Variants in DNAJC3 observed in about 807,000 individuals in gnomAD.
DNAJC3 encodes the protein dnaJ homolog subfamily C member 3.
In DNAJC3, 38 loss-of-function variants were observed where a neutral mutation model predicts 68.6. The observed-to-expected ratio is 0.55, with a 90% CI of 0.43 to 0.73. The LOEUF is 0.73. DNAJC3 is among the 30% of genes least tolerant of loss of function. The pLI is 0.00. For missense variants in DNAJC3, 526 were observed against 591.9 expected (o/e 0.89, Z 1.16); for synonymous variants, 203 against 204.0 (o/e 1.00, Z 0.04).
At chr13:95,779,353 T>C (rs926970669) in intron 9 of DNAJC3, among the ~76,000 whole-genome samples, 2 of 152,122 alleles carry the variant, frequency 1.3e-5, no homozygotes, top group Non-Finnish European at 2.9e-5. Context: ...CTCGATCTCC[T>C]GACCTCGTGA....
chr13:95,687,427 G>A (rs890491353), intron 1 of DNAJC3, among the ~76,000 whole-genome samples: 37 of 152,110 alleles, frequency 2.4e-4, no homozygotes, highest in African/African-American at 8.5e-4. Flanking sequence ...AATAGTAAGA[G>A]TGAACATCAT....
At chr13:95,781,962 AC>A (rs1883468701) in intron 9 of DNAJC3, among the ~76,000 whole-genome samples, 1 of 151,192 alleles carries the variant, frequency 6.6e-6, no homozygotes, top group South Asian at 2.1e-4. Context: ...CCAGCCCCCT[AC>A]CTCCCCACGG....
rs1173216029 is a variant in DNAJC3 at position 95,760,720 on chromosome 13, G to T, written c.770G>T (p.Arg257Met). 1 of 1,611,688 alleles carries T rather than the reference G, an allele frequency of 6.2e-7. No homozygotes were observed. The highest frequency in any genetic ancestry group is 2.2e-5 in the East Asian group (1 of 44,698). The change falls in exon 7 of 12, where the codon AGG becomes ATG. Residue 257 changes from arginine to methionine, a missense_variant. Physicochemically the swap from Arg to Met is moderately conservative, Grantham distance 91 (BLOSUM62 -1). Coordinates refer to ENST00000602402, the MANE Select transcript of DNAJC3 (RefSeq NM_006260.5). ...ECLKLDQDHK[R>M]CFAHYKQVKK... ...CTTAAACTTGACCAGGATCATAAAA[G>T]GTGTTTTGCACACTATAAACAAGTA...
At chr13:95,725,608 T>A (rs181216848) in intron 4 of DNAJC3, among the ~76,000 whole-genome samples, 5 of 152,242 alleles carry the variant, frequency 3.3e-5, no homozygotes, top group African/African-American at 1.2e-4. Context: ...TTTGGATCTG[T>A]CCTTTTGGAG....
intron 1 of DNAJC3, among the ~76,000 whole-genome samples, chr13:95,681,910 A>G (rs552939893): frequency 6.6e-5 from 10 of 152,294 alleles, no homozygotes; most frequent in Admixed American, 4.6e-4. Flanking sequence ...TAGCTTATCT[A>G]CATTTGTACC....
intron 9 of DNAJC3, among the ~76,000 whole-genome samples, chr13:95,784,840 G>A (rs1306343070): frequency 6.6e-6 from 1 of 152,070 alleles, no homozygotes; most frequent in East Asian, 1.9e-4. Flanking sequence ...TGGGCGTGGT[G>A]GTGCGTGCCT....
chr13:95,750,953 A>G (rs1180988769), intron 4 of DNAJC3, among the ~76,000 whole-genome samples: 2 of 152,232 alleles, frequency 1.3e-5, no homozygotes, highest in Non-Finnish European at 1.5e-5. Context: ...GACTTAAGAC[A>G]TATATTCTAG....
chr13:95,787,206 C>T (rs929200869), intron 11 of DNAJC3, 51 bp downstream of exon 11: 8 of 1,576,584 alleles, frequency 5.1e-6, no homozygotes, highest in East Asian at 2.2e-5. Flanking sequence ...GTGTTAGAAG[C>T]GAGGGTGGAA....
chr13:95,681,411 C>T (rs1303148083), intron 1 of DNAJC3, among the ~76,000 whole-genome samples: 2 of 152,168 alleles, frequency 1.3e-5, no homozygotes, highest in Non-Finnish European at 2.9e-5. Flanking sequence ...AGTGCAGTGG[C>T]ATGATCCTAG....
chr13:95,790,967 A>G lies in DNAJC3; in HGVS notation c.1452A>G (p.Ser484=). ...GGNPFHRSWN[S]WQGFNPFSSG... ...ACCCTTTCCACAGAAGCTGGAACTC[A>G]TGGCAAGGGTTCAATCCCTTCAGCT... The change falls in exon 12 of 12, where the codon TCA becomes TCG. Residue 484 remains serine (S), a synonymous_variant. Transcript: ENST00000602402. The G allele has an allele frequency of 6.2e-7, 1 of 1,612,754 alleles. No individual in the cohort carries two copies. The highest frequency in any genetic ancestry group is 8.5e-7 in the Non-Finnish European group (1 of 1,179,664).
At chr13:95,750,633 C>G (rs936818320) in intron 4 of DNAJC3, among the ~76,000 whole-genome samples, 6 of 151,924 alleles carry the variant, frequency 3.9e-5, no homozygotes, top group Non-Finnish European at 5.9e-5. Flanking sequence ...CCTCAGCCTC[C>G]TAAGTAGCTG....
intron 1 of DNAJC3, among the ~76,000 whole-genome samples, chr13:95,702,118 A>T (rs1210319293): frequency 3.9e-5 from 6 of 152,208 alleles, no homozygotes; most frequent in Non-Finnish European, 8.8e-5. Context: ...TTGCATGTAA[A>T]ATTAATGTAT....
intron 9 of DNAJC3, among the ~76,000 whole-genome samples, chr13:95,775,105 G>A (rs1883259477): frequency 6.6e-6 from 1 of 152,086 alleles, no homozygotes; most frequent in African/African-American, 2.4e-5. Flanking sequence ...CCCCTCTGGG[G>A]TGCAGTGGTT....
At chr13:95,779,266 G>C (rs1167804863) in intron 9 of DNAJC3, among the ~76,000 whole-genome samples, 2 of 151,448 alleles carry the variant, frequency 1.3e-5, no homozygotes, top group Non-Finnish European at 1.5e-5. Context: ...TGGGACTACA[G>C]GCGCCCGCCA....
At chr13:95,722,188 C>T (rs976662422) in intron 2 of DNAJC3, among the ~76,000 whole-genome samples, 10 of 152,120 alleles carry the variant, frequency 6.6e-5, no homozygotes, top group East Asian at 1.9e-4. Flanking sequence ...AAAATTAGCT[C>T]GGAAACCTAA....
At chr13:95,753,103 C>T (rs2139668537) in intron 4 of DNAJC3, among the ~76,000 whole-genome samples, 1 of 152,262 alleles carries the variant, frequency 6.6e-6, no homozygotes, top group Non-Finnish European at 1.5e-5. Context: ...TTCCCTCCTG[C>T]TCTCTCCCCA....
intron 4 of DNAJC3, among the ~76,000 whole-genome samples, chr13:95,740,459 C>G (rs538088647): frequency 2.7e-5 from 4 of 148,314 alleles, no homozygotes; most frequent in African/African-American, 9.9e-5. Context: ...TAGCAATCAG[C>G]GAGACTCCGT....
chr13:95,713,411 C>T (rs1881038588), intron 2 of DNAJC3, among the ~76,000 whole-genome samples: 1 of 151,946 alleles, frequency 6.6e-6, no homozygotes, highest in Non-Finnish European at 1.5e-5. Context: ...TAAAAAACAC[C>T]TAAGAAGAAA....
At chr13:95,764,315 A>G (rs1478504612) in intron 9 of DNAJC3, among the ~76,000 whole-genome samples, 1 of 151,376 alleles carries the variant, frequency 6.6e-6, no homozygotes, top group East Asian at 2.0e-4. Flanking sequence ...CTATGCACAT[A>G]TATTACTCTA....
Sources: gnomAD v4.1 joint callset for allele counts (sites outside exome capture counted in the v4.1 genomes callset) on GRCh38, gnomAD v4.1.1 for gene constraint, MANE v1.5 for transcripts, NCBI Gene and HGNC (gene_info 2026-07-23, HGNC 2026-07-21) for gene names.